PDE10A: variants seen among roughly 807,000 people sequenced by gnomAD.
The protein encoded by PDE10A is phosphodiesterase 10A.
PDE10A carries 39 observed loss-of-function variants against 97.7 expected under a neutral mutation model. The ratio of observed to expected loss-of-function variants is 0.40; its 90% confidence interval spans 0.31 to 0.52. The LOEUF (loss-of-function observed/expected upper bound fraction) is 0.52. Ranked by LOEUF, PDE10A falls within the 20% of genes least tolerant of loss-of-function variation. The probability of loss-of-function intolerance (pLI) is 0.56; values close to 1 mark genes in which losing one functional copy is unlikely to be tolerated. For synonymous variants in PDE10A, 371 were observed against 376.8 expected (o/e 0.98, Z 0.18); for missense variants, 731 against 1,047.8 (o/e 0.70, Z 4.17).
intron 1 of PDE10A, among the ~76,000 whole-genome samples, chr6:165,929,960 G>A (rs1783074417): frequency 1.3e-5 from 2 of 151,976 alleles, no homozygotes; most frequent in South Asian, 4.2e-4. Context: ...CTAATGACCA[G>A]GCAACATCAC....
At chr6:165,838,094 T>C (rs1205530868) in intron 1 of PDE10A, among the ~76,000 whole-genome samples, 1 of 152,226 alleles carries the variant, frequency 6.6e-6, no homozygotes, top group African/African-American at 2.4e-5. Context: ...GAGCAAATGA[T>C]GTAAACCTAC....
chr6:165,359,465 CCT>C lies in PDE10A; in HGVS notation c.2784-15965_2784-15964del, dbSNP rs369006775. ...ACACGCATCATGTGTAGTATTTTAC[CCT>C]GTTTGTTACGTGTTGTTTCTCCCTG... On this transcript the variant is annotated intron_variant, in intron 18 of 21. Coordinates refer to ENST00000539869, the MANE Select transcript of PDE10A (RefSeq NM_001385079.1). 5.1e-3 allele frequency among the ~76,000 whole-genome samples: 772 copies of C among 152,196 alleles called. 9 individuals carry two copies. Among genetic ancestry groups the C allele is most frequent in the African/African-American group, 0.018 (745 of 41,516 alleles).
chr6:165,403,196 G>A (rs998504222), intron 13 of PDE10A, among the ~76,000 whole-genome samples: 1 of 152,158 alleles, frequency 6.6e-6, no homozygotes, highest in Non-Finnish European at 1.5e-5. Context: ...ATCAGCAACC[G>A]TTATCTTAGA....
chr6:165,714,654 C>A (rs1252021361), intron 1 of PDE10A, among the ~76,000 whole-genome samples: 2 of 152,088 alleles, frequency 1.3e-5, no homozygotes, highest in Non-Finnish European at 2.9e-5. Flanking sequence ...CTGGAGGGTG[C>A]CAAGGAGTGA....
intron 1 of PDE10A, among the ~76,000 whole-genome samples, chr6:165,633,956 C>CTCA (rs1788754285): frequency 6.6e-6 from 1 of 152,110 alleles, no homozygotes; most frequent in African/African-American, 2.4e-5. Context: ...TGTAAACAGA[C>CTCA]TCATAGGGTC....
intron 1 of PDE10A, among the ~76,000 whole-genome samples, chr6:165,898,582 C>T (rs558189611): frequency 1.8e-4 from 27 of 152,266 alleles, no homozygotes; most frequent in South Asian, 8.3e-4. Flanking sequence ...ACCCCTCAGC[C>T]TTGTGCCACA....
intron 1 of PDE10A, among the ~76,000 whole-genome samples, chr6:165,851,760 G>A (rs1325901079): frequency 1.3e-5 from 2 of 152,042 alleles, no homozygotes; most frequent in African/African-American, 4.8e-5. Flanking sequence ...GGATGTCCTG[G>A]ATGTATTCTG....
intron 1 of PDE10A, among the ~76,000 whole-genome samples, chr6:165,721,261 C>A (rs1792161652): frequency 6.6e-6 from 1 of 152,106 alleles, no homozygotes. Context: ...CGATTTAATG[C>A]GTTCATCCCT....
intron 1 of PDE10A, among the ~76,000 whole-genome samples, chr6:165,709,040 C>A (rs183079137): frequency 2.8e-5 from 2 of 70,460 alleles, no homozygotes; most frequent in African/African-American, 5.8e-5. Context: ...GCCACGCTCA[C>A]CCCCCACTCT....
At chr6:165,752,784 C>T (rs1793037198) in intron 1 of PDE10A, among the ~76,000 whole-genome samples, 1 of 152,058 alleles carries the variant, frequency 6.6e-6, no homozygotes, top group Non-Finnish European at 1.5e-5. Context: ...GATTAGAATC[C>T]CTAAGGGAGG....
At chr6:165,590,749 G>A (rs1377422086) in intron 1 of PDE10A, among the ~76,000 whole-genome samples, 1 of 152,054 alleles carries the variant, frequency 6.6e-6, no homozygotes, top group African/African-American at 2.4e-5. Flanking sequence ...AAATAAGCCG[G>A]GCATGGTGGC....
rs113036412 is a variant in PDE10A, at chr6:165,423,757, CGG to C, written c.1653+4899_1653+4900del. ...GCGCGTGCCTGTAGTCCCAGCTACT[CGG>C]GAGGCTGAGGCAGGAGAATGGCAGA... On this transcript the variant is annotated intron_variant, in intron 10 of 21. Coordinates refer to ENST00000539869, the MANE Select transcript of PDE10A (RefSeq NM_001385079.1). Among the ~76,000 whole-genome samples, 1,139 of 150,818 alleles carry C rather than the reference CGG, an allele frequency of 7.6e-3. 16 individuals carry two copies. The highest frequency in any genetic ancestry group is 0.026 in the African/African-American group (1,080 of 41,016).
intron 1 of PDE10A, among the ~76,000 whole-genome samples, chr6:165,562,140 G>A (rs536198143): frequency 1.3e-5 from 2 of 151,870 alleles, no homozygotes; most frequent in Non-Finnish European, 2.9e-5. Context: ...GACTAGACCA[G>A]CATGACCATC....
chr6:165,509,574 A>T (rs1781396385), intron 2 of PDE10A, among the ~76,000 whole-genome samples: 1 of 149,518 alleles, frequency 6.7e-6, no homozygotes, highest in Non-Finnish European at 1.5e-5. Context: ...TTGGTTCCAT[A>T]CAAATTTCAG....
At chr6:165,688,768 C>G (rs1251407554) in intron 1 of PDE10A, among the ~76,000 whole-genome samples, 2 of 152,142 alleles carry the variant, frequency 1.3e-5, no homozygotes, top group Non-Finnish European at 2.9e-5. Flanking sequence ...TAAAGAAACT[C>G]TAAAAAGCCA....
At chr6:165,545,810 G>A (rs1273524441) in intron 1 of PDE10A, among the ~76,000 whole-genome samples, 1 of 152,030 alleles carries the variant, frequency 6.6e-6, no homozygotes, top group African/African-American at 2.4e-5. Flanking sequence ...ATTTAATCAT[G>A]ATAAGGATGC....
chr6:165,849,079 C>T (rs1438815150), intron 1 of PDE10A, among the ~76,000 whole-genome samples: 2 of 152,202 alleles, frequency 1.3e-5, no homozygotes, highest in East Asian at 3.8e-4. Flanking sequence ...CATCATGAAT[C>T]ATGAAAAACA....
chr6:165,532,172 T>C (rs528274362), intron 2 of PDE10A, among the ~76,000 whole-genome samples: 8 of 152,106 alleles, frequency 5.3e-5, no homozygotes, highest in African/African-American at 1.7e-4. Context: ...GCTCCTCCCG[T>C]CTCGGGGCTC....
At chr6:165,689,518 G>T (rs547207542) in intron 1 of PDE10A, among the ~76,000 whole-genome samples, 4 of 152,278 alleles carry the variant, frequency 2.6e-5, no homozygotes, top group Admixed American at 1.3e-4. Flanking sequence ...TGAACAGCTT[G>T]GTGCTGTCCC....
Sources: gnomAD v4.1 joint callset for allele counts (sites outside exome capture counted in the v4.1 genomes callset) on GRCh38, gnomAD v4.1.1 for gene constraint, MANE v1.5 for transcripts, NCBI Gene and HGNC (gene_info 2026-07-23, HGNC 2026-07-21) for gene names.